DIP2B: variants seen among roughly 807,000 people sequenced by gnomAD.
The protein encoded by DIP2B is disco-interacting protein 2 homolog B.
In DIP2B, 76 loss-of-function variants were observed where a neutral mutation model predicts 198.0. The ratio of observed to expected loss-of-function variants is 0.38; its 90% CI spans 0.32 to 0.46. DIP2B has a LOEUF of 0.46. Among genes scored for constraint, DIP2B ranks in the 20% least tolerant of loss-of-function variants. DIP2B has a pLI of 0.99. For missense variants in DIP2B, 1,559 were observed against 1,978.4 expected, an observed-to-expected ratio of 0.79 and a Z score of 4.02; for synonymous variants, 701 against 739.1, an observed-to-expected ratio of 0.95 and a Z score of 0.84.
At chr12:50,615,985 C>T (rs536682207) in intron 1 of DIP2B, among the ~76,000 whole-genome samples, 11 of 152,324 alleles carry the variant, frequency 7.2e-5, no homozygotes, top group Admixed American at 4.6e-4. Context: ...GACAAATAAA[C>T]ATACCTTTTG....
At chr12:50,639,733 G>A (rs1452705124) in intron 2 of DIP2B, among the ~76,000 whole-genome samples, 2 of 152,056 alleles carry the variant, frequency 1.3e-5, no homozygotes, top group Non-Finnish European at 2.9e-5. Flanking sequence ...GGGCATAACC[G>A]GGTGCTATTT....
At chr12:50,645,917 A>G (rs1938341992) in intron 3 of DIP2B, among the ~76,000 whole-genome samples, 1 of 152,068 alleles carries the variant, frequency 6.6e-6, no homozygotes, top group African/African-American at 2.4e-5. Flanking sequence ...ACCTGGAAAA[A>G]TATATACCAA....
intron 1 of DIP2B, among the ~76,000 whole-genome samples, chr12:50,567,044 T>TG (rs1367332887): frequency 2.0e-5 from 3 of 152,046 alleles, no homozygotes; most frequent in African/African-American, 7.3e-5. Context: ...CTGACTTTTT[T>TG]TTTGTTTGTT....
At chr12:50,707,173 A>G (rs1205099347) in intron 21 of DIP2B, among the ~76,000 whole-genome samples, 2 of 152,238 alleles carry the variant, frequency 1.3e-5, no homozygotes, top group Non-Finnish European at 2.9e-5. Context: ...TTATTAATGT[A>G]AGAAAAGATA....
chr12:50,609,799 A>T (rs761619480), intron 1 of DIP2B, among the ~76,000 whole-genome samples: 2 of 152,200 alleles, frequency 1.3e-5, no homozygotes, highest in Non-Finnish European at 2.9e-5. Flanking sequence ...ATCCCTTGGC[A>T]CACAAACTGC....
intron 1 of DIP2B, among the ~76,000 whole-genome samples, chr12:50,561,055 T>C (rs1466142152): frequency 1.3e-5 from 2 of 152,218 alleles, no homozygotes; most frequent in Non-Finnish European, 2.9e-5. Context: ...CTAACCCCTA[T>C]GCACATTAGA....
chr12:50,694,059 A>G (rs1016402066), intron 14 of DIP2B, among the ~76,000 whole-genome samples: 1 of 152,018 alleles, frequency 6.6e-6, no homozygotes, highest in African/African-American at 2.4e-5. Context: ...TGTAGGCAGG[A>G]CCTCCTGTAA....
At chr12:50,683,737 C>T (rs928179704) in intron 10 of DIP2B, among the ~76,000 whole-genome samples, 24 of 151,952 alleles carry the variant, frequency 1.6e-4, no homozygotes, top group African/African-American at 5.6e-4. Flanking sequence ...TAGTTGAGAT[C>T]GCGCTATTGC....
At chr12:50,550,429 A>G (rs1958417573) in intron 1 of DIP2B, among the ~76,000 whole-genome samples, 1 of 152,180 alleles carries the variant, frequency 6.6e-6, no homozygotes, top group Non-Finnish European at 1.5e-5. Context: ...CCCAGTCTAA[A>G]AGAACGATTA....
intron 1 of DIP2B, among the ~76,000 whole-genome samples, chr12:50,563,656 T>C (rs554908835): frequency 6.6e-6 from 1 of 151,974 alleles, no homozygotes; most frequent in Non-Finnish European, 1.5e-5. Context: ...CCACCATACC[T>C]GGCTAATTTT....
intron 33 of DIP2B, among the ~76,000 whole-genome samples, chr12:50,734,693 G>A (rs1940105667): frequency 6.6e-6 from 1 of 152,162 alleles, no homozygotes; most frequent in Non-Finnish European, 1.5e-5. Flanking sequence ...GTTATCTGGA[G>A]TGCCCCACTG....
chr12:50,660,079 G>A (rs1592114710), intron 3 of DIP2B, 115 bp from the exon 4 acceptor site: 4 of 1,040,546 alleles, frequency 3.8e-6, no homozygotes, highest in South Asian at 3.0e-5. Flanking sequence ...TCATCTGAAC[G>A]TCCCCTTTAC....
chr12:50,660,504 TAA>T (rs1938626510), intron 4 of DIP2B, among the ~76,000 whole-genome samples, 185 bp downstream of exon 4: 1 of 152,106 alleles, frequency 6.6e-6, no homozygotes, highest in African/African-American at 2.4e-5. Context: ...AAAGATGTCT[TAA>T]GAGTAAAACT....
chr12:50,720,727 TG>T (rs1333904780), intron 25 of DIP2B, among the ~76,000 whole-genome samples: 2 of 152,156 alleles, frequency 1.3e-5, no homozygotes, highest in Middle Eastern at 3.2e-3. Flanking sequence ...GGCTGCAAGC[TG>T]CAGTGAGCTG....
chr12:50,703,018 G>A (rs934848122), intron 19 of DIP2B, among the ~76,000 whole-genome samples: 1 of 151,976 alleles, frequency 6.6e-6, no homozygotes, highest in Non-Finnish European at 1.5e-5. Context: ...TTGAGGTTAG[G>A]AGTTCAATAC....
At chr12:50,591,829 CA>C (rs1958821303) in intron 1 of DIP2B, among the ~76,000 whole-genome samples, 1 of 151,234 alleles carries the variant, frequency 6.6e-6, no homozygotes, top group Non-Finnish European at 1.5e-5. Flanking sequence ...TTTTACGTAT[CA>C]GGGGACTAAA....
intron 9 of DIP2B, among the ~76,000 whole-genome samples, chr12:50,682,775 ATTTAT>A (rs1220575016): frequency 1.3e-5 from 2 of 152,008 alleles, no homozygotes; most frequent in Middle Eastern, 3.2e-3. Flanking sequence ...GATCCATTAC[ATTTAT>A]TTTATTGCCT....
intron 1 of DIP2B, among the ~76,000 whole-genome samples, chr12:50,597,820 G>C (rs1214388610): frequency 6.6e-6 from 1 of 152,156 alleles, no homozygotes; most frequent in Non-Finnish European, 1.5e-5. Flanking sequence ...TGCACATAAA[G>C]TATGCATTAA....
chr12:50,629,737 C>T (rs1205691450), intron 2 of DIP2B, among the ~76,000 whole-genome samples: 1 of 152,058 alleles, frequency 6.6e-6, no homozygotes, highest in African/African-American at 2.4e-5. Flanking sequence ...CTAACCCCTC[C>T]CTGCATGCAT....
Sources: gnomAD v4.1 joint callset for allele counts (sites outside exome capture counted in the v4.1 genomes callset) on GRCh38, gnomAD v4.1.1 for gene constraint, MANE v1.5 for transcripts, NCBI Gene and HGNC (gene_info 2026-07-23, HGNC 2026-07-21) for gene names.